The following GREB1 variants were observed in gnomAD, a reference collection of about 807,000 sequenced individuals.
GREB1 encodes protein GREB1.
In GREB1, 106 loss-of-function variants were observed where a neutral mutation model predicts 200.7. That is an observed-to-expected ratio of 0.53 (90% CI 0.45 to 0.62). The LOEUF (loss-of-function observed/expected upper bound fraction) is 0.62. Among genes scored for constraint, GREB1 ranks in the 20% least tolerant of loss-of-function variants. The probability of loss-of-function intolerance (pLI) is 0.00; values close to 1 mark genes in which losing one functional copy is unlikely to be tolerated. For missense variants in GREB1, 2,243 were observed against 2,556.8 expected (o/e 0.88, Z 2.65); for synonymous variants, 1,132 against 1,092.4 (o/e 1.04, Z -0.72).
chr2:11,605,992 G>C (rs991380102), intron 17 of GREB1, among the ~76,000 whole-genome samples: 2 of 152,136 alleles, frequency 1.3e-5, no homozygotes, highest in African/African-American at 4.8e-5. Context: ...TGGGTTATTT[G>C]ATAGGTGTAT....
intron 4 of GREB1, among the ~76,000 whole-genome samples, chr2:11,567,758 C>T (rs1160672592): frequency 6.6e-6 from 1 of 152,198 alleles, no homozygotes; most frequent in Non-Finnish European, 1.5e-5. Context: ...TTACTGTGTG[C>T]CGGGCCATCA....
At chr2:11,598,988 C>A in intron 15 of GREB1, 128 bp downstream of exon 15, 1 of 775,204 alleles carries the variant, frequency 1.3e-6, no homozygotes, top group East Asian at 2.5e-5. Flanking sequence ...TGTTTCTAAG[C>A]AGATGCCATG....
In GREB1 at chr2:11,633,561, C is replaced by T. The variant is rs1685062436; in HGVS notation, c.4991+498C>T. 8.0e-6 allele frequency among the ~76,000 whole-genome samples: 1 copy of T among 125,398 alleles called. No individual in the cohort carries two copies. The highest frequency in any genetic ancestry group is 1.8e-5 in the Non-Finnish European group (1 of 57,104). 82.3% of individuals were successfully genotyped at this position (125,398 alleles called of 152,430 possible). ...CCTGGCAGACAGAGCGAGACTCCGT[C>T]TAAAAAAAAAAAAAAGAAAGAAAAA... On this transcript the variant is annotated intron_variant, in intron 28 of 32. Transcript: ENST00000381486. The surrounding 1 kb of genome is among the most constrained non-coding windows in gnomAD (Gnocchi z 4.1).
At chr2:11,622,917 A>G (rs933895697) in intron 23 of GREB1, among the ~76,000 whole-genome samples, 1 of 152,232 alleles carries the variant, frequency 6.6e-6, no homozygotes, top group Admixed American at 6.5e-5. Flanking sequence ...CTGGATGGAG[A>G]TAGCTCTGAA....
chr2:11,625,024 T>C, intron 23 of GREB1, 130 bp from the exon 24 acceptor site: 1 of 749,720 alleles, frequency 1.3e-6, no homozygotes, highest in Non-Finnish European at 2.3e-6. Flanking sequence ...CACTCTAGGA[T>C]GTTAGCACAG....
chr2:11,507,436 A>G (rs1228332842), intron 1 of GREB1, among the ~76,000 whole-genome samples: 1 of 152,032 alleles, frequency 6.6e-6, no homozygotes, highest in East Asian at 1.9e-4. Flanking sequence ...CCGAAAAACA[A>G]TAATGGCAAC....
At chr2:11,628,950 C>G (rs1049535300) in intron 25 of GREB1, among the ~76,000 whole-genome samples, 17 of 152,136 alleles carry the variant, frequency 1.1e-4, no homozygotes, top group Admixed American at 9.2e-4. Context: ...CCCTGGCTGC[C>G]CTCTCCATGT....
At chr2:11,632,335 CTT>C (rs567209224) in intron 27 of GREB1, among the ~76,000 whole-genome samples, 21 of 112,200 alleles carry the variant, frequency 1.9e-4, no homozygotes, top group Middle Eastern at 5.4e-3. Flanking sequence ...TTCTTTCTCT[CTT>C]TTTTTTTTTT....
intron 3 of GREB1, among the ~76,000 whole-genome samples, chr2:11,564,345 G>C (rs1677403406): frequency 6.6e-6 from 1 of 151,586 alleles, no homozygotes; most frequent in South Asian, 2.1e-4. Flanking sequence ...AGGACTTATA[G>C]TGTCCAAATA....
intron 1 of GREB1, among the ~76,000 whole-genome samples, chr2:11,523,773 G>C (rs1302746468): frequency 6.6e-6 from 1 of 151,912 alleles, no homozygotes; most frequent in Admixed American, 6.5e-5. Context: ...ACAGGCCATG[G>C]GAGGCTTTAG....
At chr2:11,616,825 C>A in intron 21 of GREB1, 105 bp downstream of exon 21, 1 of 725,700 alleles carries the variant, frequency 1.4e-6, no homozygotes, top group Admixed American at 2.2e-5. Context: ...CTTTATTTTC[C>A]ATCAGAACTG....
At chr2:11,484,585 T>TAAAA (rs1558476851) in intron 1 of GREB1, among the ~76,000 whole-genome samples, 1 of 7,792 alleles carries the variant, frequency 1.3e-4, no homozygotes, top group East Asian at 6.0e-3. Context: ...TCTCATCTCT[T>TAAAA]AAAAAACAAA....
At chr2:11,575,577 A>G (rs567309166) in intron 4 of GREB1, among the ~76,000 whole-genome samples, 5 of 152,334 alleles carry the variant, frequency 3.3e-5, no homozygotes, top group Non-Finnish European at 4.4e-5. Flanking sequence ...AGATAGTCAC[A>G]TTCTAGCAGA....
intron 10 of GREB1, chr2:11,591,251 G>A: frequency 1.7e-6 from 1 of 604,614 alleles, no homozygotes; most frequent in Non-Finnish European, 3.0e-6. Context: ...ATCAAATTCT[G>A]GCACGGCCCA....
rs547283974 is a variant in GREB1, at chr2:11,591,625, G to A, written c.1346-1151G>A. On this transcript the variant is annotated intron_variant, in intron 10 of 32. Transcript: ENST00000381486. ...TGCACCGTTCGCGTGGTAAACTGACGCATTCAGGCTCTTGGGAAGCAATCT... is the reference window on the plus strand; with the variant it reads ...TGCACCGTTCGCGTGGTAAACTGACACATTCAGGCTCTTGGGAAGCAATCT... 45 of 591,308 alleles carry A rather than the reference G, an allele frequency of 7.6e-5. 2 individuals carry two copies. In the South Asian group the frequency reaches 8.5e-4, roughly 11 times the overall value. 36.6% of individuals were successfully genotyped at this position (591,308 alleles called of 1,614,324 possible). A position where few individuals can be genotyped will look rare whatever the true frequency, so the allele number is the denominator to read the frequency against.
At chr2:11,615,574 A>G (rs772560192) in intron 20 of GREB1, among the ~76,000 whole-genome samples, 5 of 152,222 alleles carry the variant, frequency 3.3e-5, no homozygotes, top group Non-Finnish European at 7.3e-5. Flanking sequence ...TTCTTAAAGA[A>G]TAGGAAGAAA....
chr2:11,554,106 A>G (rs527607542), intron 1 of GREB1, among the ~76,000 whole-genome samples: 3 of 152,304 alleles, frequency 2.0e-5, no homozygotes, highest in Non-Finnish European at 2.9e-5. Context: ...TCTGCCACAG[A>G]TCGAGAAAAA....
rs577892325 is a variant in GREB1, at chr2:11,520,750, A to G, written c.-158-35707A>G. 4.6e-5 allele frequency among the ~76,000 whole-genome samples: 7 copies of G among 152,308 alleles called. No individual in the cohort carries two copies. The South Asian group carries it at 1.5e-3, about 32-fold the overall frequency. ...ATTATCTCCGCATCTCAAGGTCTGG[A>G]ACCTGAATCACATCTGAATCACATC... On this transcript the variant is annotated intron_variant, in intron 1 of 2. Coordinates refer to the GREB1 transcript ENST00000628795.
rs1672801024 is a variant in GREB1 at position 11,492,830 on chromosome 2, G to T, written c.-159+10449G>T. 6.6e-6 allele frequency among the ~76,000 whole-genome samples: 1 copy of T among 152,206 alleles called. No individual in the cohort carries two copies. The highest frequency in any genetic ancestry group is 1.5e-5 in the Non-Finnish European group (1 of 68,032). On this transcript the variant is annotated intron_variant, in intron 1 of 2. Coordinates refer to the GREB1 transcript ENST00000628795. The surrounding 1 kb of genome is among the most constrained non-coding windows in gnomAD (Gnocchi z 4.0). ...CAGCAAGAGTCTCCAAGGCAGTTGT[G>T]CCAGGCAGTACCCACAGAGGGTGTG...
Sources: allele counts gnomAD v4.1 joint callset (sites outside exome capture counted in the v4.1 genomes callset), GRCh38; gene constraint gnomAD v4.1.1; non-coding constraint Gnocchi (gnomAD v3.1); transcripts MANE v1.5; gene names NCBI Gene and HGNC (gene_info 2026-07-23, HGNC 2026-07-21).